Variants in GREB1 observed in about 807,000 individuals in gnomAD.
The protein encoded by GREB1 is growth regulating estrogen receptor binding 1.
In GREB1, 106 loss-of-function variants were observed where a neutral mutation model predicts 200.7. The observed-to-expected ratio is 0.53, with a 90% CI of 0.45 to 0.62. GREB1 has a LOEUF of 0.62. GREB1 is among the 20% of genes least tolerant of loss of function. The pLI, the probability that GREB1 is intolerant of heterozygous loss-of-function variation, is 0.00. For missense variants in GREB1, 2,243 were observed against 2,556.8 expected, an observed-to-expected ratio of 0.88 and a Z score of 2.65; for synonymous variants, 1,132 against 1,092.4, an observed-to-expected ratio of 1.04 and a Z score of -0.72.
intron 1 of GREB1, among the ~76,000 whole-genome samples, chr2:11,518,468 C>T (rs991089973): frequency 1.4e-5 from 2 of 147,720 alleles, no homozygotes; most frequent in Non-Finnish European, 3.0e-5. Flanking sequence ...GTCAGGGCAT[C>T]GAATGAGAAT....
chr2:11,531,418 C>A (rs548083967), upstream of GREB1, among the ~76,000 whole-genome samples: 3 of 152,034 alleles, frequency 2.0e-5, no homozygotes, highest in African/African-American at 7.2e-5. Context: ...GACGGAATTT[C>A]ATGATTATAA....
chr2:11,566,954 C>T lies in GREB1; in HGVS notation c.454+298C>T, dbSNP rs112830123. Among the ~76,000 whole-genome samples, 456 of 152,230 alleles carry T rather than the reference C, an allele frequency of 3.0e-3. 5 individuals carry two copies. Among genetic ancestry groups the T allele is most frequent in the African/African-American group, 0.01 (422 of 41,530 alleles). On this transcript the variant is annotated intron_variant, in intron 4 of 32. Coordinates refer to ENST00000381486, the MANE Select transcript of GREB1 (RefSeq NM_014668.4). Reference sequence around the variant, plus strand: ...CTTGTGTCAAGAATGGGTGACAAACCCTGTCCTAGGCAGTCTCAGAAACAG... The same window carrying T: ...CTTGTGTCAAGAATGGGTGACAAACTCTGTCCTAGGCAGTCTCAGAAACAG...
intron 1 of GREB1, among the ~76,000 whole-genome samples, chr2:11,514,974 CCA>C (rs1673445753): frequency 6.6e-6 from 1 of 152,132 alleles, no homozygotes; most frequent in Admixed American, 6.5e-5. Flanking sequence ...ATCCATCCAT[CCA>C]TCCATCCATC....
chr2:11,615,319 G>C, intron 20 of GREB1, 29 bp downstream of exon 20: 1 of 1,520,776 alleles, frequency 6.6e-7, no homozygotes. Context: ...CAGCCTACTT[G>C]TCCCTGTCTG....
intron 1 of GREB1, among the ~76,000 whole-genome samples, chr2:11,521,200 C>T (rs1673692452): frequency 6.6e-6 from 1 of 152,140 alleles, no homozygotes; most frequent in African/African-American, 2.4e-5. Flanking sequence ...CTTGACCTCC[C>T]TGGGCTCAGG....
At chr2:11,505,703 C>T (rs1432451348) in intron 1 of GREB1, among the ~76,000 whole-genome samples, 11 of 151,990 alleles carry the variant, frequency 7.2e-5, no homozygotes, top group African/African-American at 2.2e-4. Flanking sequence ...AAAAATTAGC[C>T]GGGCGTGGTG....
At chr2:11,562,691 T>C (rs1677199262) in intron 3 of GREB1, 109 bp downstream of exon 3, 1 of 1,296,002 alleles carries the variant, frequency 7.7e-7, no homozygotes, top group Non-Finnish European at 1.0e-6. Flanking sequence ...TCCTCTTTGC[T>C]CTTCCTCTTT....
chr2:11,610,861 G>A lies in GREB1; in HGVS notation c.2840G>A (p.Gly947Glu). The change falls in exon 18 of 33, where the codon GGG becomes GAG. Residue 947 changes from glycine (G) to glutamate (E), a missense_variant. Around this residue, in one of 3 missense-constraint regions of GREB1, gnomAD observed 1,178 missense variants for 1,387.4 expected, o/e 0.85. Coordinates refer to ENST00000381486, the MANE Select transcript of GREB1 (RefSeq NM_014668.4). ...NSPKQCPCGH[G>E]LMVLLRVPCS... ...CCGAAGCAGTGCCCCTGCGGCCACG[G>A]GCTCATGGTCCTGCTGCGGGTGCCC... 6.2e-7 allele frequency: 1 copy of A among 1,613,306 alleles called. No homozygotes were observed. Among genetic ancestry groups the A allele is most frequent in the African/African-American group, 1.3e-5 (1 of 75,062 alleles).
chr2:11,611,061 T>G, intron 18 of GREB1, 34 bp downstream of exon 18: 1 of 1,478,344 alleles, frequency 6.8e-7, no homozygotes, highest in Non-Finnish European at 9.1e-7. Context: ...GCGGAGGGCC[T>G]GGGGGTACCT....
chr2:11,591,666 C>A (rs996928311), intron 10 of GREB1: 5 of 525,554 alleles, frequency 9.5e-6, no homozygotes, highest in Middle Eastern at 8.8e-4. Flanking sequence ...TATGTAGTAG[C>A]TGGTTCTGTA....
intron 1 of GREB1, among the ~76,000 whole-genome samples, chr2:11,485,579 C>T (rs1212543002): frequency 6.6e-6 from 1 of 152,106 alleles, no homozygotes; most frequent in African/African-American, 2.4e-5. Context: ...AGTCGGGAAG[C>T]TACATTTGAA....
chr2:11,618,647 A>T lies in GREB1; in HGVS notation c.3772A>T (p.Ile1258Phe), dbSNP rs372100050. Residue 1258 changes from isoleucine (I) to phenylalanine (F), a missense_variant, in exon 22 of 33, where the codon ATT becomes TTT. Physicochemically the swap from Ile to Phe is conservative, Grantham distance 21 (BLOSUM62 0). Transcript: ENST00000381486. ...GACCAAGGCCTGCCGCCAGCCACCCATTGTCTTCTTGCCCAAGCTCGTGTA... is the reference window on the plus strand; with the variant it reads ...GACCAAGGCCTGCCGCCAGCCACCCTTTGTCTTCTTGCCCAAGCTCGTGTA... ...SLTKACRQPP[I>F]VFLPKLVYDM... The T allele has an allele frequency of 6.2e-7, 1 of 1,613,528 alleles. No homozygotes were observed. The highest frequency in any genetic ancestry group is 8.5e-7 in the Non-Finnish European group (1 of 1,179,954).
intron 17 of GREB1, among the ~76,000 whole-genome samples, chr2:11,609,189 G>A (rs1337988806): frequency 2.6e-5 from 4 of 152,000 alleles, no homozygotes; most frequent in African/African-American, 4.8e-5. Context: ...TGTCCTTTGA[G>A]CAGAGCCCAT....
intron 1 of GREB1, among the ~76,000 whole-genome samples, chr2:11,549,874 TG>T (rs1354927580): frequency 1.3e-5 from 2 of 152,218 alleles, no homozygotes; most frequent in Admixed American, 6.5e-5. Flanking sequence ...TCAAAAGCCT[TG>T]TGATGCTGAT....
chr2:11,561,438 A>G (rs1677028074), intron 2 of GREB1: 1 of 145,170 alleles, frequency 6.9e-6, no homozygotes, highest in African/African-American at 2.6e-5. Context: ...ATCTCGGCTC[A>G]CTGCAACCTC....
chr2:11,516,051 G>A lies in GREB1; in HGVS notation c.-159+33670G>A, dbSNP rs143485525. 3.1e-3 allele frequency among the ~76,000 whole-genome samples: 479 copies of A among 152,334 alleles called. 6 individuals carry two copies. The highest frequency in any genetic ancestry group is 0.011 in the African/African-American group (465 of 41,570). On this transcript the variant is annotated intron_variant, in intron 1 of 2. Coordinates refer to the GREB1 transcript ENST00000628795. ...ATCTGGGCATTGAAAGTGAAAATGT[G>A]TAGATGGCCTCTGTGGCGGGACATG... is the stretch of plus-strand genomic sequence containing the variant.
At chr2:11,529,327 ATAGT>A (rs1202767643), upstream of GREB1, among the ~76,000 whole-genome samples, 2 of 152,230 alleles carry the variant, frequency 1.3e-5, no homozygotes, top group Non-Finnish European at 2.9e-5. Flanking sequence ...CGAGAAACAG[ATAGT>A]TAATACCCAT....
chr2:11,607,573 TAC>T (rs1454459059), intron 17 of GREB1, among the ~76,000 whole-genome samples: 17 of 104,802 alleles, frequency 1.6e-4, no homozygotes, highest in Admixed American at 3.9e-4. Context: ...TACGCATATA[TAC>T]ACATATATAC....
chr2:11,522,552 GC>G (rs1673738072), intron 1 of GREB1, among the ~76,000 whole-genome samples: 1 of 152,126 alleles, frequency 6.6e-6, no homozygotes, highest in South Asian at 2.1e-4. Context: ...CATGGTCCCT[GC>G]CCTCCCGGAG....
Sources: allele counts gnomAD v4.1 joint callset (sites outside exome capture counted in the v4.1 genomes callset), GRCh38; gene constraint gnomAD v4.1.1; regional missense constraint gnomAD v4.1.1; transcripts MANE v1.5; gene names NCBI Gene and HGNC (gene_info 2026-07-23, HGNC 2026-07-21).